Variants in CTPS2 observed in about 807,000 individuals in gnomAD.
CTPS2 encodes CTP synthase 2.
A neutral mutation model predicts 46.8 loss-of-function variants in CTPS2; 19 were observed. The ratio of observed to expected loss-of-function variants is 0.41; its 90% CI spans 0.28 to 0.60. The LOEUF is 0.60. Ranked by LOEUF, CTPS2 falls within the 20% of genes least tolerant of loss-of-function variation. The probability of loss-of-function intolerance (pLI) is 0.35; values close to 1 mark genes in which losing one functional copy is unlikely to be tolerated. For missense variants in CTPS2, 286 were observed against 447.6 expected (o/e 0.64, Z 3.26); for synonymous variants, 151 against 165.2 (o/e 0.91, Z 0.66).
intron 10 of CTPS2, among the ~76,000 whole-genome samples, chrX:16,671,664 G>A (rs773533631): frequency 7.4e-5 from 8 of 108,100 alleles, no homozygotes; most frequent in Non-Finnish European, 1.5e-4. Flanking sequence ...ACAAGCACAC[G>A]CCACCACGCC....
At chrX:16,655,516 A>G (rs1932796483) in intron 13 of CTPS2, among the ~76,000 whole-genome samples, 1 of 111,246 alleles carries the variant, frequency 9.0e-6, no homozygotes, top group Non-Finnish European at 1.9e-5. Flanking sequence ...CTTACCAGAT[A>G]AGAGTTCAAA....
intron 11 of CTPS2, among the ~76,000 whole-genome samples, chrX:16,668,079 A>G (rs1199218139): frequency 1.8e-5 from 2 of 109,801 alleles, no homozygotes; most frequent in African/African-American, 6.6e-5. Flanking sequence ...CCTGGCCAAC[A>G]TGGTGAAACC....
chrX:16,610,744 A>G (rs755520216), intron 16 of CTPS2, among the ~76,000 whole-genome samples: 1 of 112,436 alleles, frequency 8.9e-6, no homozygotes, highest in South Asian at 3.7e-4. Context: ...ATGCACTTAC[A>G]TGTTCATGGC....
chrX:16,670,647 T>A lies in CTPS2; in HGVS notation c.1122A>T (p.Gly374=). 8.3e-7 allele frequency: 1 copy of A among 1,202,076 alleles called. No homozygotes were observed. The change falls in exon 11 of 19, where the codon GGA becomes GGT. Residue 374 remains glycine, a synonymous_variant. Coordinates refer to ENST00000359276, the MANE Select transcript of CTPS2 (RefSeq NM_175859.3). ...ADGILVPGGF[G]IRGTLGKLQA... Reference sequence around the variant, plus strand: ...GGAGTTTTCCCAATGTTCCTCTGATTCCAAAGCCTCCAGGCACAAGAATAC... The same window carrying A: ...GGAGTTTTCCCAATGTTCCTCTGATACCAAAGCCTCCAGGCACAAGAATAC...
At chrX:16,691,710 T>G in intron 6 of CTPS2, 90 bp from the exon 7 acceptor site, 1 of 727,490 alleles carries the variant, frequency 1.4e-6, no homozygotes, top group Non-Finnish European at 2.2e-6. Flanking sequence ...TGGCCAAGTA[T>G]GTACTTGTTC....
chrX:16,634,468 G>A (rs181221395), intron 14 of CTPS2, among the ~76,000 whole-genome samples: 77 of 111,540 alleles, frequency 6.9e-4, no homozygotes, highest in Non-Finnish European at 1.2e-3. Context: ...ACAACACATA[G>A]AACACAGGAA....
At chrX:16,683,536 C>T (rs1922909296) in intron 8 of CTPS2, among the ~76,000 whole-genome samples, 1 of 111,829 alleles carries the variant, frequency 8.9e-6, no homozygotes, top group Non-Finnish European at 1.9e-5. Flanking sequence ...GAGACCAAGG[C>T]TGCAGTGAGC....
intron 9 of CTPS2, among the ~76,000 whole-genome samples, chrX:16,680,329 C>G (rs1464237167): frequency 9.0e-6 from 1 of 110,925 alleles, no homozygotes; most frequent in Non-Finnish European, 1.9e-5. Flanking sequence ...GAGGCCGAGG[C>G]AGGTGGATCA....
At chrX:16,688,123 C>T (rs941317776) in intron 8 of CTPS2, among the ~76,000 whole-genome samples, 1 of 111,460 alleles carries the variant, frequency 9.0e-6, no homozygotes, top group Non-Finnish European at 1.9e-5. Context: ...CAGGGCCGGG[C>T]GCGGTGGCTC....
intron 4 of CTPS2, among the ~76,000 whole-genome samples, chrX:16,693,990 C>A (rs1923908704): frequency 9.2e-6 from 1 of 109,254 alleles, no homozygotes; most frequent in South Asian, 4.0e-4. Flanking sequence ...ATGGTGAAAC[C>A]CTGTCTCTAC....
intron 17 of CTPS2, among the ~76,000 whole-genome samples, chrX:16,593,338 A>G (rs1177311670): frequency 9.4e-6 from 1 of 106,220 alleles, no homozygotes; most frequent in Non-Finnish European, 1.9e-5. Flanking sequence ...CTGAGGCAGG[A>G]GAATGGCGTG....
chrX:16,603,416 AAAATAAAT>A (rs3053010), intron 17 of CTPS2, among the ~76,000 whole-genome samples: 259 of 88,511 alleles, frequency 2.9e-3, no homozygotes, highest in Non-Finnish European at 4.6e-3. Context: ...ACTTGTCTCA[AAAATAAAT>A]AAATAAATAA....
chrX:16,631,511 C>T (rs1483987318), intron 14 of CTPS2, among the ~76,000 whole-genome samples: 2 of 111,526 alleles, frequency 1.8e-5, no homozygotes, highest in African/African-American at 6.5e-5. Context: ...ACAGTGAAAC[C>T]CTGTCTCTAA....
intron 11 of CTPS2, among the ~76,000 whole-genome samples, chrX:16,669,604 T>C (rs1015815550): frequency 3.6e-5 from 4 of 109,723 alleles, no homozygotes; most frequent in Non-Finnish European, 7.6e-5. Context: ...CCAACGAGCT[T>C]AGACCAGTAA....
intron 14 of CTPS2, among the ~76,000 whole-genome samples, chrX:16,623,160 G>A (rs1046595108): frequency 9.0e-5 from 10 of 110,832 alleles, no homozygotes; most frequent in Non-Finnish European, 1.7e-4. Context: ...ATATATTTAG[G>A]GGGTACATGA....
chrX:16,595,553 G>A (rs754179831), intron 17 of CTPS2, among the ~76,000 whole-genome samples: 42 of 111,299 alleles, frequency 3.8e-4, no homozygotes, highest in Admixed American at 3.6e-3. Flanking sequence ...TGATCTGCCC[G>A]CTTCGGCCTC....
Position 16,683,218 on chromosome X carries a change from C to T in CTPS2, c.881G>A (p.Arg294Lys). The T allele has an allele frequency of 4.1e-6, 5 of 1,210,306 alleles. No individual in the cohort carries two copies. Among genetic ancestry groups the T allele is most frequent in the Non-Finnish European group, 4.5e-6 (4 of 894,368 alleles). Residue 294 changes from arginine to lysine, a missense_variant, in exon 9 of 19, where the codon AGG (arginine) becomes AAG (lysine). Arg to Lys is a conservative substitution (Grantham distance 26, BLOSUM62 2). Coordinates refer to ENST00000359276, the MANE Select transcript of CTPS2 (RefSeq NM_175859.3). ...GGCTATGGAGCATATTTTCTGTAAC[C>T]TTTCATACCTGGGAAAGAAAACAAA... ...KWRNMADRYE[R>K]LQKICSIALV...
chrX:16,669,200 AC>A (rs1261069501), intron 11 of CTPS2, among the ~76,000 whole-genome samples: 1 of 111,127 alleles, frequency 9.0e-6, no homozygotes, highest in Admixed American at 9.6e-5. Context: ...AGGAAGGCAG[AC>A]CTGTGTCGCC....
intron 16 of CTPS2, among the ~76,000 whole-genome samples, chrX:16,611,386 G>C (rs764200903): frequency 1.9e-4 from 21 of 110,456 alleles, no homozygotes; most frequent in Non-Finnish European, 3.8e-4. Context: ...AGGAGGTGGA[G>C]GTTGCCATGA....
Sources: gnomAD v4.1 joint callset for allele counts (sites outside exome capture counted in the v4.1 genomes callset) on GRCh38, gnomAD v4.1.1 for gene constraint, MANE v1.5 for transcripts, NCBI Gene and HGNC (gene_info 2026-07-23, HGNC 2026-07-21) for gene names.